Variants in PAK4 observed in about 807,000 individuals in gnomAD.
PAK4 encodes serine/threonine-protein kinase PAK 4.
A neutral mutation model predicts 53.5 loss-of-function variants in PAK4; 49 were observed. The ratio of observed to expected loss-of-function variants is 0.92; its 90% CI spans 0.73 to 1.16. The LOEUF is 1.16. Among genes scored for constraint, PAK4 ranks in the 50% most tolerant of loss-of-function variants. The pLI, the probability that PAK4 is intolerant of heterozygous loss-of-function variation, is 0.00. For missense variants in PAK4, 824 were observed against 850.7 expected, an observed-to-expected ratio of 0.97 and a Z score of 0.39; for synonymous variants, 376 against 375.6, an observed-to-expected ratio of 1.00 and a Z score of -0.01.
At chr19:39,163,067 G>A (rs1401625371) in intron 1 of PAK4, among the ~76,000 whole-genome samples, 2 of 152,144 alleles carry the variant, frequency 1.3e-5, no homozygotes, top group South Asian at 2.1e-4. Flanking sequence ...CTGCTGTGCC[G>A]GGACGGGAAG....
chr19:39,154,072 A>G (rs1402829458), intron 1 of PAK4, among the ~76,000 whole-genome samples: 1 of 151,968 alleles, frequency 6.6e-6, no homozygotes, highest in East Asian at 1.9e-4. Flanking sequence ...AGCTGTAGTC[A>G]TTCATTCATT....
intron 1 of PAK4, chr19:39,134,743 G>T (rs1247671300): frequency 6.7e-6 from 1 of 149,756 alleles, no homozygotes; most frequent in Non-Finnish European, 1.5e-5. Context: ...GGGATTACAG[G>T]CATACACCGC....
In PAK4 at chr19:39,169,752, C is replaced by T. The variant is rs1380709091; in HGVS notation, c.199C>T (p.Pro67Ser). ...CATCACCTCCATCCAGCCCGGGGCCCCCAAGGTATGTGGCACCCACCACCA... is the reference window on the plus strand; with the variant it reads ...CATCACCTCCATCCAGCCCGGGGCCTCCAAGGTATGTGGCACCCACCACCA... Residue 67 changes from proline (P) to serine (S), a missense_variant, in exon 2 of 9, where the codon CCC becomes TCC. By Grantham distance (74) the Pro-to-Ser change is moderately conservative (BLOSUM62 -1). This residue lies in a region of PAK4 where 478 missense variants were observed against 435.8 expected (regional missense o/e 1.10). Transcript: ENST00000358301. 3.8e-6 allele frequency: 6 copies of T among 1,597,858 alleles called. No homozygotes were observed. In the African/African-American group the frequency reaches 8.0e-5, roughly 21 times the overall value.
Position 39,161,355 on chromosome 19 carries a change from C to T in PAK4, c.-22-8177C>T, listed in dbSNP as rs967357691. On this transcript the variant is annotated intron_variant, in intron 1 of 8. Coordinates refer to ENST00000358301, the Ensembl canonical transcript of PAK4. This position sits in a 1 kb window ranked among gnomAD's most constrained non-coding sequence, Gnocchi z 4.5. ...CCTAGGCTGACTGCGCCAGGCTCCG[C>T]GCCAGGTGCTGGGGGTGCCACATGG... Among the ~76,000 whole-genome samples the T allele has an allele frequency of 6.6e-5, 10 of 152,196 alleles. No individual in the cohort carries two copies. Among genetic ancestry groups the T allele is most frequent in the African/African-American group, 1.7e-4 (7 of 41,448 alleles).
At position 39,177,844 on chromosome 19, in the gene PAK4, G is replaced by C. The variant is rs555636655; in HGVS notation, c.1620+35G>C. The C allele has an allele frequency of 1.1e-4, 174 of 1,584,562 alleles. No homozygotes were observed. In the South Asian group the frequency reaches 1.2e-3, roughly 11 times the overall value. ...TCCCTGGCTGGGAAACTGTGCGCCA[G>C]CTGGCGGGTGGCAGGGCTCCAGGTG... On this transcript the variant is annotated intron_variant, in intron 8 of 8. Coordinates refer to ENST00000358301, the Ensembl canonical transcript of PAK4.
intron 4 of PAK4, 133 bp from the exon 6 acceptor site, chr19:39,174,798 G>C: frequency 1.0e-6 from 1 of 990,464 alleles, no homozygotes; most frequent in Admixed American, 2.2e-5. Context: ...CAGTAGGGGA[G>C]GGCAGTCCAG....
In PAK4 at chr19:39,173,245, C is replaced by T. The variant is rs764775854; in HGVS notation, c.532C>T (p.Arg178Cys). 67 of 1,583,254 alleles carry T rather than the reference C, an allele frequency of 4.2e-5. No homozygotes were observed. Among genetic ancestry groups the T allele is most frequent in the Non-Finnish European group, 5.5e-5 (64 of 1,165,552 alleles). The change falls in exon 3 of 9, where the codon CGC (arginine) becomes TGC (cysteine). Residue 178 changes from arginine (R) to cysteine (C), a missense_variant. This residue lies in a region of PAK4 where 478 missense variants were observed against 435.8 expected (regional missense o/e 1.10). Coordinates refer to ENST00000358301, the Ensembl canonical transcript of PAK4. The surrounding 1 kb of genome is among the most constrained non-coding windows in gnomAD (Gnocchi z 6.9). Reference sequence around the variant, plus strand: ...TCCCCAGGAGTCCTCCCGGGACAAACGCCCCCTCTCCGGGCCTGATGTCGG... The same window carrying T: ...TCCCCAGGAGTCCTCCCGGGACAAATGCCCCCTCTCCGGGCCTGATGTCGG...
At chr19:39,164,326 C>T (rs1377694568) in intron 1 of PAK4, among the ~76,000 whole-genome samples, 1 of 151,190 alleles carries the variant, frequency 6.6e-6, no homozygotes, top group Non-Finnish European at 1.5e-5. Context: ...ACAAGCACGC[C>T]ATATATGTGG....
In PAK4 at chr19:39,172,914, C is replaced by T. The variant is rs375295219; in HGVS notation, c.205-4C>T. On this transcript the variant is annotated splice_polypyrimidine_tract_variant and splice_region_variant and intron_variant, in intron 2 of 8. Transcript: ENST00000358301. Reference sequence around the variant, plus strand: ...CCCCCACCCACCATTGCCTGGGACCCCAGACCATCGTGCGGGGCAGCAAAG... The same window carrying T: ...CCCCCACCCACCATTGCCTGGGACCTCAGACCATCGTGCGGGGCAGCAAAG... 372 of 1,525,558 alleles carry T rather than the reference C, an allele frequency of 2.4e-4. 1 individual carries two copies. The highest frequency in any genetic ancestry group is 1.9e-4 in the Non-Finnish European group (219 of 1,129,756). 94.5% of individuals were successfully genotyped at this position (1,525,558 alleles called of 1,614,324 possible). A position where few individuals can be genotyped will look rare whatever the true frequency, so the allele number is the denominator to read the frequency against.
chr19:39,177,594 T>A, intron 7 of PAK4, 81 bp from the exon 9 acceptor site: 1 of 1,460,300 alleles, frequency 6.8e-7, no homozygotes, highest in Non-Finnish European at 9.3e-7. Context: ...GAGACAGCGC[T>A]GGAGCGGTCC....
chr19:39,126,542 A>G (rs538036601), intron 1 of PAK4, among the ~76,000 whole-genome samples: 49 of 150,416 alleles, frequency 3.3e-4, no homozygotes, highest in African/African-American at 1.2e-3. Context: ...ATGAAACACT[A>G]TGGGCTAGAC....
At chr19:39,169,271 G>A (rs985272550) in intron 1 of PAK4, among the ~76,000 whole-genome samples, 2 of 152,104 alleles carry the variant, frequency 1.3e-5, no homozygotes, top group Non-Finnish European at 2.9e-5. Flanking sequence ...ACAGAGAGGT[G>A]ATGGGGCCTT....
chr19:39,135,699 CA>C (rs1251752481), intron 1 of PAK4, among the ~76,000 whole-genome samples: 3 of 152,056 alleles, frequency 2.0e-5, no homozygotes, highest in African/African-American at 7.2e-5. Context: ...ACCCAAACAA[CA>C]GGCAGCCCTC....
Position 39,174,019 on chromosome 19 carries a change from G to GCTGCTGCC in PAK4, c.1098+14_1098+21dup. On this transcript the variant is annotated intron_variant, in intron 4 of 8. Coordinates refer to ENST00000358301, the Ensembl canonical transcript of PAK4. ...AGCTGCTCTTCAACGAGGTGCGGGC[G>GCTGCTGCC]CTGCTGCCCTGCCGCCCTGCTGGTC... The GCTGCTGCC allele has an allele frequency of 6.5e-7, 1 of 1,548,020 alleles. No individual in the cohort carries two copies. Among genetic ancestry groups the GCTGCTGCC allele is most frequent in the African/African-American group, 1.4e-5 (1 of 71,396 alleles).
intron 1 of PAK4, among the ~76,000 whole-genome samples, chr19:39,166,184 G>T (rs564045586): frequency 6.6e-6 from 1 of 152,216 alleles, no homozygotes; most frequent in African/African-American, 2.4e-5. Flanking sequence ...AAGGCCAGGC[G>T]CAGGGCTCAC....
intron 1 of PAK4, among the ~76,000 whole-genome samples, chr19:39,166,273 A>G (rs550627554): frequency 6.6e-6 from 1 of 152,264 alleles, no homozygotes; most frequent in Admixed American, 6.5e-5. Flanking sequence ...GTGAAACCCC[A>G]TCTCTACTAA....
At chr19:39,138,463 A>G (rs1015898041) in intron 1 of PAK4, among the ~76,000 whole-genome samples, 5 of 152,238 alleles carry the variant, frequency 3.3e-5, no homozygotes, top group Admixed American at 3.3e-4. Context: ...CTCCCAATCC[A>G]TGAACGTGGT....
At chr19:39,137,062 T>C (rs2073828540) in intron 1 of PAK4, among the ~76,000 whole-genome samples, 1 of 152,240 alleles carries the variant, frequency 6.6e-6, no homozygotes, top group African/African-American at 2.4e-5. Context: ...TCTTCCTCTC[T>C]AGAAGGTGGC....
chr19:39,178,685 C>A lies in PAK4; in HGVS notation c.*106C>A. 3 of 982,424 alleles carry A rather than the reference C, an allele frequency of 3.1e-6. No individual in the cohort carries two copies. Among genetic ancestry groups the A allele is most frequent in the Non-Finnish European group, 4.5e-6 (3 of 670,654 alleles). The allele number at this position is 982,424 out of a possible 1,614,324, so 60.9% of individuals were successfully genotyped here. On this transcript the variant is annotated 3_prime_UTR_variant, in exon 9 of 9. Transcript: ENST00000358301. This position sits in a 1 kb window ranked among gnomAD's most constrained non-coding sequence, Gnocchi z 4.4. ...CACTCCTCCCAGCCCGGGAGATGCT[C>A]CGCGTGGCACCACCCTCCTTGCTGG...
Sources: gnomAD v4.1 joint callset for allele counts (sites outside exome capture counted in the v4.1 genomes callset) on GRCh38, gnomAD v4.1.1 for gene constraint, gnomAD v4.1.1 regional missense constraint, Gnocchi (gnomAD v3.1) non-coding constraint, MANE v1.5 for transcripts, NCBI Gene and HGNC (gene_info 2026-07-23, HGNC 2026-07-21) for gene names.